Variants in PSMD9 observed in about 807,000 individuals in gnomAD.
PSMD9 encodes the protein proteasome 26S subunit, non-ATPase 9.
Under a neutral mutation model 25.9 loss-of-function variants are expected in PSMD9, and 26 were observed. The observed-to-expected ratio is 1.00, with a 90% CI of 0.73 to 1.39. The LOEUF (loss-of-function observed/expected upper bound fraction) is 1.39, where lower values mean the gene tolerates loss of function less well. Among genes scored for constraint, PSMD9 ranks in the 40% most tolerant of loss-of-function variants. The pLI, the probability that PSMD9 is intolerant of heterozygous loss-of-function variation, is 0.00. For synonymous variants in PSMD9, 110 were observed against 114.5 expected (o/e 0.96, Z 0.25); for missense variants, 303 against 299.3 (o/e 1.01, Z -0.09).
intron 4 of PSMD9, chr12:121,910,947 G>A (rs753850902): frequency 4.4e-6 from 2 of 456,480 alleles, no homozygotes; most frequent in South Asian, 3.1e-5. Context: ...CGCAGGCCCT[G>A]GCACCCACCA....
At chr12:121,897,833 C>T (rs531040226) in intron 2 of PSMD9, 15 of 152,302 alleles carry the variant, frequency 9.8e-5, no homozygotes, top group African/African-American at 3.4e-4. Flanking sequence ...CAGCTAACAG[C>T]TTATGTTAAT....
intron 4 of PSMD9, among the ~76,000 whole-genome samples, chr12:121,909,974 C>T (rs1320270772): frequency 1.3e-5 from 2 of 152,108 alleles, no homozygotes; most frequent in East Asian, 3.8e-4. Context: ...TGTGCCAGTG[C>T]ACCTTCTCTC....
rs1182929916 is a variant in PSMD9, at chr12:121,917,707, C to T, written c.*1396C>T. ...TTCCTATTGGGCGAATTCCCTCAAA[C>T]TCTATTTGACCTGACAGCCATACGT... On this transcript the variant is annotated 3_prime_UTR_variant, in exon 6 of 6. Transcript: ENST00000541212. 7 of 152,234 alleles carry T rather than the reference C, an allele frequency of 4.6e-5. No individual in the cohort carries two copies. Among genetic ancestry groups the T allele is most frequent in the Admixed American group, 3.9e-4 (6 of 15,278 alleles). The allele number at this position is 152,234 out of a possible 1,614,324, so 9.4% of individuals were successfully genotyped here.
In PSMD9 at chr12:121,915,915, A is replaced by C. The variant is rs776387821; in HGVS notation, c.615A>C (p.Pro205=). 6.2e-7 allele frequency: 1 copy of C among 1,613,884 alleles called. No homozygotes were observed. The highest frequency in any genetic ancestry group is 1.3e-5 in the African/African-American group (1 of 74,932). ...RGEKHQLRLV[P]TRWAGKGLLG... is the part of the protein sequence containing the mutation. ...AAAAACACCAGCTTAGACTTGTTCC[A>C]ACACGCTGGGCAGGAAAAGGACTGC... The change falls in exon 5 of 6, where the codon CCA becomes CCC. Residue 205 remains proline (P), a synonymous_variant. Transcript: ENST00000541212.
chr12:121,890,931 C>T (rs550722666), intron 1 of PSMD9, among the ~76,000 whole-genome samples: 7 of 151,720 alleles, frequency 4.6e-5, no homozygotes, highest in South Asian at 4.2e-4. Flanking sequence ...AGCCTGAAAC[C>T]GTGCTCTATA....
At chr12:121,906,787 C>T in intron 4 of PSMD9, among the ~76,000 whole-genome samples, 1 of 151,244 alleles carries the variant, frequency 6.6e-6, no homozygotes, top group Non-Finnish European at 1.5e-5. Flanking sequence ...GCACTCCAGC[C>T]TGGGCCGCAC....
chr12:121,891,659 A>G (rs1433893327), intron 1 of PSMD9, among the ~76,000 whole-genome samples: 2 of 151,678 alleles, frequency 1.3e-5, no homozygotes, highest in South Asian at 4.2e-4. Context: ...TAATCCCAGC[A>G]CTTTGGAAGG....
At chr12:121,894,076 A>C (rs967074006) in intron 1 of PSMD9, 4 of 152,038 alleles carry the variant, frequency 2.6e-5, no homozygotes, top group Non-Finnish European at 4.4e-5. Context: ...ACCAATTGCA[A>C]AGCCCCTCCC....
At chr12:121,893,784 A>G (rs944043247) in intron 1 of PSMD9, 5 of 152,188 alleles carry the variant, frequency 3.3e-5, no homozygotes, top group African/African-American at 1.2e-4. Flanking sequence ...TTACATCTAC[A>G]AAGACTCTTT....
chr12:121,913,672 A>G (rs543828339), intron 4 of PSMD9, among the ~76,000 whole-genome samples: 7 of 151,126 alleles, frequency 4.6e-5, no homozygotes, highest in African/African-American at 7.3e-5. Context: ...AAAAAAATAT[A>G]TGTTTTTTGT....
chr12:121,896,741 C>T (rs1879240331), intron 2 of PSMD9, among the ~76,000 whole-genome samples: 3 of 148,740 alleles, frequency 2.0e-5, no homozygotes, highest in South Asian at 2.1e-4. Flanking sequence ...GAGGTTGAGG[C>T]AGGAGAATCA....
chr12:121,910,684 C>T (rs1221064396), intron 4 of PSMD9, among the ~76,000 whole-genome samples: 1 of 151,034 alleles, frequency 6.6e-6, no homozygotes, highest in Non-Finnish European at 1.5e-5. Flanking sequence ...TGCCTGAACC[C>T]GGGAGGCAGA....
chr12:121,895,717 A>T (rs904696849), intron 2 of PSMD9, among the ~76,000 whole-genome samples: 5 of 151,922 alleles, frequency 3.3e-5, no homozygotes, highest in Admixed American at 6.6e-5. Context: ...TCCCTCTTTC[A>T]CCTATAAAGA....
At chr12:121,905,694 A>AT (rs1055181582) in intron 4 of PSMD9, among the ~76,000 whole-genome samples, 10 of 149,818 alleles carry the variant, frequency 6.7e-5, no homozygotes, top group South Asian at 2.1e-4. Flanking sequence ...CGCCCAGCTA[A>AT]TTTTTTTTTG....
intron 4 of PSMD9, among the ~76,000 whole-genome samples, chr12:121,911,873 G>T (rs1299838459): frequency 5.3e-5 from 8 of 151,448 alleles, no homozygotes; most frequent in African/African-American, 1.9e-4. Context: ...GGCTCGCCTC[G>T]AACTCCTGAC....
chr12:121,915,818 A>G (rs781750331), intron 4 of PSMD9, 38 bp from the exon 5 acceptor site: 10 of 1,549,854 alleles, frequency 6.5e-6, no homozygotes, highest in Non-Finnish European at 8.8e-6. Flanking sequence ...CTGAGTACTA[A>G]CGAGGCTGAA....
At chr12:121,900,985 T>TTA (rs1879377754) in intron 3 of PSMD9, among the ~76,000 whole-genome samples, 3 of 89,482 alleles carry the variant, frequency 3.4e-5, no homozygotes, top group African/African-American at 1.3e-4. Flanking sequence ...AGACTCTGTC[T>TTA]AAAAAAAAAA....
intron 3 of PSMD9, 53 bp downstream of exon 3, chr12:121,899,898 G>A: frequency 6.3e-7 from 1 of 1,593,042 alleles, no homozygotes; most frequent in Middle Eastern, 1.7e-4. Flanking sequence ...CGGTGGGTCA[G>A]GTAGCCTTCG....
rs1341019302 is a variant in PSMD9, at chr12:121,899,697, C to T, written c.305C>T (p.Ala102Val). The T allele has an allele frequency of 3.1e-6, 5 of 1,614,048 alleles. No individual in the cohort carries two copies. The South Asian group carries it at 5.5e-5, about 18-fold the overall frequency. Residue 102 changes from alanine to valine, a missense_variant, in exon 3 of 6, where the codon GCT becomes GTT. Transcript: ENST00000541212. ...QVEEALHQLH[A>V]RDKEKQARDM... is the part of the protein sequence containing the mutation. ...GAGGAGGCCCTGCACCAGCTGCACG[C>T]TCGCGACAAGGAGAAGCAGGCCCGG...
Sources: gnomAD v4.1 joint callset for allele counts (sites outside exome capture counted in the v4.1 genomes callset) on GRCh38, gnomAD v4.1.1 for gene constraint, MANE v1.5 for transcripts, NCBI Gene and HGNC (gene_info 2026-07-23, HGNC 2026-07-21) for gene names.